The following HERC6 variants were observed in gnomAD, a reference collection of about 807,000 sequenced individuals.
HERC6 encodes the protein probable E3 ubiquitin-protein ligase HERC6.
Under a neutral mutation model 114.5 loss-of-function variants are expected in HERC6, and 101 were observed. The observed-to-expected ratio is 0.88, with a 90% confidence interval of 0.75 to 1.04. The LOEUF is 1.04. HERC6 is among the 50% of genes least tolerant of loss of function. The pLI is 0.00. For synonymous variants in HERC6, 408 were observed against 436.2 expected (o/e 0.94, Z 0.81); for missense variants, 1,133 against 1,230.9 (o/e 0.92, Z 1.19).
chr4:88,428,811 G>A (rs1461567298), intron 16 of HERC6, 61 bp downstream of exon 16: 2 of 1,338,606 alleles, frequency 1.5e-6, no homozygotes, highest in African/African-American at 1.5e-5. Flanking sequence ...TTCATATGAT[G>A]TAACAAATGC....
At chr4:88,430,805 T>G (rs368054084) in intron 16 of HERC6, among the ~76,000 whole-genome samples, 25 of 152,180 alleles carry the variant, frequency 1.6e-4, no homozygotes, top group Middle Eastern at 3.4e-3. Context: ...AATGATGAGA[T>G]GGACAACAAG....
In HERC6 at chr4:88,379,121, G is replaced by C. The variant is rs1480698169; in HGVS notation, c.199+1G>C. Reference sequence around the variant, plus strand: ...GGCGCGCAGCGCGGGGAGCTGCCAGGTGAGCGGGGGGCCCCAGGTGCAGGG... The same window carrying C: ...GGCGCGCAGCGCGGGGAGCTGCCAGCTGAGCGGGGGGCCCCAGGTGCAGGG... On this transcript the variant is annotated splice_donor_variant, in intron 1 of 22. Transcript: ENST00000264346. LOFTEE classifies it high-confidence loss of function. 12 of 1,538,896 alleles carry C rather than the reference G, an allele frequency of 7.8e-6. No homozygotes were observed. The highest frequency in any genetic ancestry group is 1.0e-5 in the Non-Finnish European group (12 of 1,145,012).
chr4:88,427,374 GCCACAAA>G (rs544305386), intron 15 of HERC6, among the ~76,000 whole-genome samples: 2 of 151,986 alleles, frequency 1.3e-5, no homozygotes, highest in African/African-American at 4.8e-5. Context: ...GACATTGCTG[GCCACAAA>G]CCCATGGAAC....
At chr4:88,437,058 C>CT in intron 19 of HERC6, 87 bp downstream of exon 19, 1 of 1,007,664 alleles carries the variant, frequency 9.9e-7, no homozygotes, top group East Asian at 2.8e-5. Context: ...AATTTGGGAT[C>CT]CCTTTTTTTT....
intron 6 of HERC6, among the ~76,000 whole-genome samples, chr4:88,396,563 G>GA (rs1369216548): frequency 6.6e-6 from 1 of 151,470 alleles, no homozygotes; most frequent in South Asian, 2.1e-4. Context: ...CATTAAAAAA[G>GA]AAAAAAAATA....
intron 12 of HERC6, among the ~76,000 whole-genome samples, chr4:88,416,667 A>G (rs1410697147): frequency 6.6e-6 from 1 of 151,864 alleles, no homozygotes; most frequent in Non-Finnish European, 1.5e-5. Context: ...GTTAAACACT[A>G]TTTTTTCTAG....
intron 10 of HERC6, among the ~76,000 whole-genome samples, chr4:88,408,004 G>A (rs1433976192): frequency 6.6e-6 from 1 of 152,196 alleles, no homozygotes; most frequent in Non-Finnish European, 1.5e-5. Flanking sequence ...TTTGAGATAA[G>A]GGATTCAAAG....
intron 12 of HERC6, among the ~76,000 whole-genome samples, chr4:88,414,634 C>A (rs1028347134): frequency 1.2e-4 from 18 of 152,270 alleles, no homozygotes; most frequent in Non-Finnish European, 2.5e-4. Context: ...GTGGGTTATT[C>A]ATACCTCCCC....
intron 14 of HERC6, 121 bp from the exon 15 acceptor site, chr4:88,424,474 G>A (rs1347514981): frequency 2.7e-6 from 2 of 748,358 alleles, no homozygotes; most frequent in South Asian, 3.3e-5. Context: ...ACAAGACTCT[G>A]CCTTAAAAAA....
chr4:88,414,577 G>T (rs547180013), intron 12 of HERC6, among the ~76,000 whole-genome samples: 2 of 152,166 alleles, frequency 1.3e-5, no homozygotes, highest in South Asian at 4.1e-4. Context: ...TGGGGCTGCT[G>T]GTTGCCCATT....
intron 16 of HERC6, among the ~76,000 whole-genome samples, chr4:88,430,609 T>TA (rs967285533): frequency 6.6e-6 from 1 of 150,990 alleles, no homozygotes; most frequent in Non-Finnish European, 1.5e-5. Flanking sequence ...AATAAATAAA[T>TA]AAAAAGAGGG....
chr4:88,427,147 C>A (rs1290017620), intron 15 of HERC6, among the ~76,000 whole-genome samples: 1 of 152,218 alleles, frequency 6.6e-6, no homozygotes, highest in Non-Finnish European at 1.5e-5. Context: ...GCTGACTTTA[C>A]AATCCTGCTC....
intron 8 of HERC6, among the ~76,000 whole-genome samples, chr4:88,400,228 G>A (rs1735460921): frequency 6.6e-6 from 1 of 152,092 alleles, no homozygotes; most frequent in African/African-American, 2.4e-5. Context: ...TTTTTTTGTT[G>A]TTTTGAGACA....
chr4:88,410,250 G>T (rs1222348326), intron 11 of HERC6, among the ~76,000 whole-genome samples: 3 of 152,172 alleles, frequency 2.0e-5, no homozygotes, highest in Non-Finnish European at 4.4e-5. Context: ...CACTGGTTTG[G>T]TCTGGAAAGG....
intron 22 of HERC6, 127 bp downstream of exon 22, chr4:88,440,377 G>A: frequency 1.6e-6 from 1 of 630,870 alleles, no homozygotes; most frequent in South Asian, 2.0e-5. Flanking sequence ...TTGTCTCACA[G>A]CCATGGAGAT....
chr4:88,439,842 CTTTTTTTTT>C (rs537714979), intron 20 of HERC6, 23 bp from the exon 21 acceptor site: 8 of 996,250 alleles, frequency 8.0e-6, no homozygotes, highest in Admixed American at 4.3e-5. Context: ...TCCTTCCTTT[CTTTTTTTTT>C]TTTTTTTTTT....
At chr4:88,382,307 C>G (rs1349418247) in intron 1 of HERC6, among the ~76,000 whole-genome samples, 1 of 152,024 alleles carries the variant, frequency 6.6e-6, no homozygotes, top group Non-Finnish European at 1.5e-5. Context: ...AAATGTGATC[C>G]GGTTTTCATT....
intron 20 of HERC6, 56 bp from the exon 21 acceptor site, chr4:88,439,818 A>C: frequency 3.7e-5 from 48 of 1,311,404 alleles, no homozygotes; most frequent in Middle Eastern, 2.4e-4. Context: ...AAAATCTTTT[A>C]ATCATTGGCC....
intron 1 of HERC6, among the ~76,000 whole-genome samples, chr4:88,382,280 T>C (rs1734363555): frequency 6.6e-6 from 1 of 152,162 alleles, no homozygotes; most frequent in Non-Finnish European, 1.5e-5. Flanking sequence ...GAAAGCAGTT[T>C]AGGTTGGCTT....
Sources: gnomAD v4.1 joint callset for allele counts (sites outside exome capture counted in the v4.1 genomes callset) on GRCh38, gnomAD v4.1.1 for gene constraint, MANE v1.5 for transcripts, NCBI Gene and HGNC (gene_info 2026-07-23, HGNC 2026-07-21) for gene names.